FBXO34: variants seen among roughly 807,000 people sequenced by gnomAD.
The protein encoded by FBXO34 is F-box protein 34.
A neutral mutation model predicts 24.5 loss-of-function variants in FBXO34; 12 were observed. The ratio of observed to expected loss-of-function variants is 0.49; its 90% CI spans 0.31 to 0.79. FBXO34 has a LOEUF of 0.79. FBXO34 is among the 30% of genes least tolerant of loss of function. The probability of loss-of-function intolerance (pLI) is 0.04; values close to 1 mark genes in which losing one functional copy is unlikely to be tolerated. For synonymous variants in FBXO34, 320 were observed against 311.9 expected (o/e 1.03, Z -0.27); for missense variants, 823 against 857.7 (o/e 0.96, Z 0.51).
chr14:55,377,646 A>T, the FBXO34 span, among the ~76,000 whole-genome samples: 1 of 152,224 alleles, frequency 6.6e-6, no homozygotes, highest in East Asian at 1.9e-4. Flanking sequence ...TACAAAAAAA[A>T]CCCATAAAAG....
intron 1 of FBXO34, among the ~76,000 whole-genome samples, chr14:55,346,584 A>C (rs1884167444): frequency 2.0e-5 from 3 of 152,178 alleles, no homozygotes; most frequent in African/African-American, 7.2e-5. Context: ...AATCACTTAG[A>C]TATATAGCTT....
At chr14:55,376,088 A>G in the FBXO34 span, among the ~76,000 whole-genome samples, 6 of 152,302 alleles carry the variant, frequency 3.9e-5, no homozygotes, top group East Asian at 7.7e-4. Flanking sequence ...GGTTAACTGC[A>G]TGAGTGTCTA....
chr14:55,382,324 T>A, the FBXO34 span: 1 of 716,540 alleles, frequency 1.4e-6, no homozygotes, highest in Non-Finnish European at 2.3e-6. Flanking sequence ...TTTTTATTTT[T>A]TATTTTAGAG....
chr14:55,321,696 C>A (rs1313770946), intron 1 of FBXO34, among the ~76,000 whole-genome samples: 1 of 152,196 alleles, frequency 6.6e-6, no homozygotes, highest in Non-Finnish European at 1.5e-5. Flanking sequence ...TGCATCCAGC[C>A]AGCTTGCAGT....
the FBXO34 span, among the ~76,000 whole-genome samples, chr14:55,420,893 A>G: frequency 2.0e-5 from 3 of 152,134 alleles, no homozygotes; most frequent in African/African-American, 4.8e-5. Context: ...CCCCGTCTCT[A>G]CTAAAAATAC....
intron 1 of FBXO34, among the ~76,000 whole-genome samples, chr14:55,336,174 C>T (rs1883769272): frequency 6.6e-6 from 1 of 152,182 alleles, no homozygotes; most frequent in African/African-American, 2.4e-5. Flanking sequence ...ATTGATTGGT[C>T]TTGACTGCTG....
the FBXO34 span, chr14:55,385,887 G>A: frequency 6.2e-7 from 1 of 1,612,338 alleles, no homozygotes; most frequent in Non-Finnish European, 8.5e-7. Context: ...TCCTCGATTG[G>A]AAAAATGACA....
At chr14:55,440,321 A>C in the FBXO34 span, 6 of 1,561,564 alleles carry the variant, frequency 3.8e-6, no homozygotes, top group Admixed American at 3.7e-5. Flanking sequence ...TTTTAAGAGG[A>C]ACGAAGGCAA....
At chr14:55,338,427 C>A (rs541679306) in intron 1 of FBXO34, among the ~76,000 whole-genome samples, 47 of 152,178 alleles carry the variant, frequency 3.1e-4, no homozygotes, top group African/African-American at 1.0e-3. Flanking sequence ...GTTTCTTCAT[C>A]TACAGTTGTA....
rs902696087 is a variant in FBXO34 at position 55,352,826 on chromosome 14, A to G, written c.*300A>G. On this transcript the variant is annotated 3_prime_UTR_variant, in exon 2 of 2. Transcript: ENST00000313833. The stretch of plus-strand genomic sequence containing the variant: ...ACCCATCCTCAAAGGATGAAGACTC[A>G]CCACCATCCAGGACATTCAGAAGAG... 2.0e-5 allele frequency: 6 copies of G among 307,276 alleles called. No individual in the cohort carries two copies. Among genetic ancestry groups the G allele is most frequent in the Non-Finnish European group, 3.8e-5 (6 of 156,846 alleles). The allele number at this position is 307,276 out of a possible 1,614,324, so 19.0% of individuals were successfully genotyped here. A position where few individuals can be genotyped will look rare whatever the true frequency, so the allele number is the denominator to read the frequency against.
chr14:55,402,748 G>A, the FBXO34 span, among the ~76,000 whole-genome samples: 3 of 149,472 alleles, frequency 2.0e-5, no homozygotes, highest in Admixed American at 2.0e-4. Context: ...AGGAATAAAG[G>A]TTAAAAATCA....
intron 3 of FBXO34, among the ~76,000 whole-genome samples, chr14:55,360,359 C>G (rs113401919): frequency 6.6e-6 from 1 of 152,288 alleles, no homozygotes; most frequent in Non-Finnish European, 1.5e-5. Flanking sequence ...AGGCATGAGC[C>G]ACCACGCCCA....
At chr14:55,362,881 A>G (rs1333077196), downstream of FBXO34, among the ~76,000 whole-genome samples, 2 of 152,086 alleles carry the variant, frequency 1.3e-5, no homozygotes, top group African/African-American at 4.8e-5. Context: ...AGGGTAGGAA[A>G]GTTCTTTCCT....
the FBXO34 span, among the ~76,000 whole-genome samples, chr14:55,402,421 G>T: frequency 3.7e-4 from 56 of 152,160 alleles, no homozygotes; most frequent in African/African-American, 1.2e-3. Flanking sequence ...GCATTTCAAA[G>T]AATCTATCCT....
the FBXO34 span, among the ~76,000 whole-genome samples, chr14:55,392,115 G>A: frequency 6.6e-6 from 1 of 152,182 alleles, no homozygotes; most frequent in African/African-American, 2.4e-5. Flanking sequence ...TCAGGCTTTA[G>A]AGTCTCATAG....
chr14:55,406,292 G>T, the FBXO34 span, among the ~76,000 whole-genome samples: 1 of 152,134 alleles, frequency 6.6e-6, no homozygotes, highest in Non-Finnish European at 1.5e-5. Flanking sequence ...GATCCATGCA[G>T]GCACAGACGG....
At chr14:55,305,394 A>G (rs1427790861) in intron 1 of FBXO34, among the ~76,000 whole-genome samples, 2 of 150,482 alleles carry the variant, frequency 1.3e-5, no homozygotes, top group Non-Finnish European at 3.0e-5. Context: ...CAGCCTGGTG[A>G]CAGAGTGGGA....
At chr14:55,398,288 T>C in the FBXO34 span, among the ~76,000 whole-genome samples, 4 of 152,190 alleles carry the variant, frequency 2.6e-5, no homozygotes, top group East Asian at 7.7e-4. Flanking sequence ...TCTATCTTTA[T>C]TTTCTTCTTG....
the FBXO34 span, among the ~76,000 whole-genome samples, chr14:55,419,564 T>C: frequency 2.0e-5 from 3 of 152,234 alleles, no homozygotes; most frequent in African/African-American, 7.2e-5. Flanking sequence ...CCAGGTCCTG[T>C]TGCTTTCTGC....
Sources: gnomAD v4.1 joint callset for allele counts (sites outside exome capture counted in the v4.1 genomes callset) on GRCh38, gnomAD v4.1.1 for gene constraint, MANE v1.5 for transcripts, NCBI Gene and HGNC (gene_info 2026-07-23, HGNC 2026-07-21) for gene names.